BID: variants seen among roughly 807,000 people sequenced by gnomAD.
The protein encoded by BID is BH3 interacting domain death agonist.
In BID, 19 loss-of-function variants were observed where a neutral mutation model predicts 17.4. The observed-to-expected ratio is 1.09, with a 90% CI of 0.76 to 1.60. BID has a LOEUF of 1.60. Ranked by LOEUF, BID falls within the 40% of genes most tolerant of loss-of-function variation. BID has a pLI of 0.00. For synonymous variants in BID, 108 were observed against 102.8 expected (o/e 1.05, Z -0.31); for missense variants, 226 against 256.0 (o/e 0.88, Z 0.80).
chr22:17,762,858 G>GA (rs60609319), intron 1 of BID, among the ~76,000 whole-genome samples: 56,591 of 150,350 alleles, frequency 0.38, 11,679 homozygotes, highest in East Asian at 0.75. Flanking sequence ...CTGCTTTGAG[G>GA]AAAAAAAACA....
rs887047852 is a variant in BID at position 17,769,036 on chromosome 22, G to T, written c.-59+5345C>A. Among the ~76,000 whole-genome samples the T allele has an allele frequency of 1.4e-5, 2 of 142,458 alleles. No homozygotes were observed. The highest frequency in any genetic ancestry group is 3.0e-5 in the Non-Finnish European group (2 of 65,768). The allele number at this position is 142,458 out of a possible 152,430, so 93.5% of individuals were successfully genotyped here. On this transcript the variant is annotated intron_variant, in intron 1 of 5. Transcript: ENST00000622694. The surrounding 1 kb of genome is among the most constrained non-coding windows in gnomAD (Gnocchi z 4.8). ...CAGCCTGGGCGACAGAGTGAGACTC[G>T]TCTCAAAAATAAATAAATAAATAAA...
chr22:17,773,813 G>T lies in BID; in HGVS notation c.-59+568C>A. On this transcript the variant is annotated intron_variant, in intron 1 of 5. Transcript: ENST00000622694. The surrounding 1 kb of genome is among the most constrained non-coding windows in gnomAD (Gnocchi z 4.4). ...ACTCAACAGTTTCCCAGCAGCAGCA[G>T]CGAGGATCCGCACATCATTGCCAGT... is the stretch of plus-strand genomic sequence containing the variant. 1.1e-6 allele frequency: 1 copy of T among 917,488 alleles called. No individual in the cohort carries two copies. Among genetic ancestry groups the T allele is most frequent in the Non-Finnish European group, 1.7e-6 (1 of 599,852 alleles). 56.8% of individuals were successfully genotyped at this position (917,488 alleles called of 1,614,324 possible).
intron 1 of BID, among the ~76,000 whole-genome samples, chr22:17,752,363 A>G (rs1460011497): frequency 6.6e-6 from 1 of 152,198 alleles, no homozygotes; most frequent in East Asian, 1.9e-4. Context: ...CAACTCATCC[A>G]GCTCAAAGTG....
At chr22:17,760,005 G>C (rs1826003334) in intron 1 of BID, among the ~76,000 whole-genome samples, 1 of 151,562 alleles carries the variant, frequency 6.6e-6, no homozygotes, top group African/African-American at 2.4e-5. Flanking sequence ...GTGGTGGTGG[G>C]CACCTGTAGT....
chr22:17,768,309 G>A (rs2061693071), intron 1 of BID, among the ~76,000 whole-genome samples: 1 of 152,234 alleles, frequency 6.6e-6, no homozygotes, highest in Admixed American at 6.5e-5. Context: ...GAGGAGACAT[G>A]AGGAGGCAAG....
At chr22:17,752,465 A>C (rs1191669226) in intron 1 of BID, among the ~76,000 whole-genome samples, 1 of 152,234 alleles carries the variant, frequency 6.6e-6, no homozygotes, top group East Asian at 1.9e-4. Context: ...GCATGGCAGA[A>C]TACCCACTAA....
In BID at chr22:17,773,975, G is replaced by A; in HGVS notation, c.-59+406C>T. The A allele has an allele frequency of 1.9e-6, 1 of 521,316 alleles. No homozygotes were observed. Among genetic ancestry groups the A allele is most frequent in the Non-Finnish European group, 3.4e-6 (1 of 290,618 alleles). 32.3% of individuals were successfully genotyped at this position (521,316 alleles called of 1,614,324 possible). A position where few individuals can be genotyped will look rare whatever the true frequency, so the allele number is the denominator to read the frequency against. On this transcript the variant is annotated intron_variant, in intron 1 of 5. Transcript: ENST00000622694. This position sits in a 1 kb window ranked among gnomAD's most constrained non-coding sequence, Gnocchi z 4.4. ...GTGTGGGCGGGGATTCCGATCCGCC[G>A]GCAAGGGTGGCCTGCACCCGGCCAG...
chr22:17,762,011 G>A (rs2061642681), intron 1 of BID, among the ~76,000 whole-genome samples: 1 of 152,098 alleles, frequency 6.6e-6, no homozygotes, highest in South Asian at 2.1e-4. Flanking sequence ...CTGTGAGGTT[G>A]AAAAGCTTCC....
chr22:17,737,944 TGGGCTTCTCAACCTTCCAGAGAAA>T, intron 5 of BID, 49 bp downstream of exon 5: 1 of 1,541,790 alleles, frequency 6.5e-7, no homozygotes, highest in Non-Finnish European at 8.9e-7. Flanking sequence ...GGGGCCCCGC[TGGGCTTCTCAACCTTCCAGAGAAA>T]AGGGCATGGG....
chr22:17,739,314 T>C (rs762510697), intron 4 of BID, 35 bp downstream of exon 4: 1 of 1,521,118 alleles, frequency 6.6e-7, no homozygotes, highest in Non-Finnish European at 8.8e-7. Flanking sequence ...CTTGGCTCAC[T>C]TGCCCGCCCA....
chr22:17,740,208 A>AT (rs780459627), intron 3 of BID: 22 of 1,593,192 alleles, frequency 1.4e-5, no homozygotes, highest in Non-Finnish European at 1.9e-5. Flanking sequence ...AAGGGCTGTG[A>AT]TTTTTTTAAT....
At chr22:17,765,458 C>T (rs1177479845) in intron 1 of BID, among the ~76,000 whole-genome samples, 1 of 152,194 alleles carries the variant, frequency 6.6e-6, no homozygotes, top group Non-Finnish European at 1.5e-5. Flanking sequence ...AATACCTACT[C>T]AACTCCATTT....
chr22:17,738,142 G>C lies in BID; in HGVS notation c.451C>G (p.Leu151Val), dbSNP rs1601833850. Residue 151 changes from leucine to valine, a missense_variant, in exon 5 of 6, where the codon CTG becomes GTG. Coordinates refer to ENST00000622694, the MANE Select transcript of BID (RefSeq NM_001196.4). ...ACCTTCTTGGCCAGCAGCAGGGCCA[G>C]CACCAGCATGGTCTTCTCCTTCTCC... ...DMEKEKTMLV[L>V]ALLLAKKVAS... The C allele has an allele frequency of 6.2e-7, 1 of 1,613,844 alleles. No homozygotes were observed. The highest frequency in any genetic ancestry group is 8.5e-7 in the Non-Finnish European group (1 of 1,180,038).
At chr22:17,757,359 C>T (rs1223635613) in intron 1 of BID, among the ~76,000 whole-genome samples, 6 of 145,156 alleles carry the variant, frequency 4.1e-5, no homozygotes, top group Admixed American at 1.4e-4. Flanking sequence ...GCTGAGATCA[C>T]GCCACTGCAC....
At chr22:17,742,075 C>T (rs962015500) in intron 3 of BID, among the ~76,000 whole-genome samples, 8 of 152,228 alleles carry the variant, frequency 5.3e-5, no homozygotes, top group Admixed American at 2.6e-4. Flanking sequence ...TTTCCTGATC[C>T]GTCTGTGTCC....
At chr22:17,738,302 G>A (rs1328737384) in intron 4 of BID, 73 bp from the exon 5 acceptor site, 2 of 1,403,358 alleles carry the variant, frequency 1.4e-6, no homozygotes, top group East Asian at 2.3e-5. Flanking sequence ...TCCCCAGTAT[G>A]AAGAAGCACT....
intron 2 of BID, among the ~76,000 whole-genome samples, chr22:17,746,279 C>T (rs2061494786): frequency 6.6e-6 from 1 of 152,142 alleles, no homozygotes; most frequent in Non-Finnish European, 1.5e-5. Flanking sequence ...ATACCGGAAG[C>T]CCAGTCCCCA....
intron 2 of BID, among the ~76,000 whole-genome samples, chr22:17,744,313 G>T (rs977290161): frequency 2.0e-5 from 3 of 152,212 alleles, no homozygotes; most frequent in African/African-American, 7.2e-5. Flanking sequence ...TTCCCACTAG[G>T]TGAGAAGGCC....
At position 17,738,091 on chromosome 22, in the gene BID, G is replaced by A. The variant is rs185077891; in HGVS notation, c.502C>T (p.Arg168Cys). Residue 168 changes from arginine (R) to cysteine (C), a missense_variant, in exon 5 of 6, where the codon CGT (arginine) becomes TGT (cysteine). Transcript: ENST00000622694. ...KVASHTPSLLRDVFHTTVNFI... is the reference protein window; with the variant it reads ...KVASHTPSLLCDVFHTTVNFI... ...TTCACTGTTGTGTGAAAGACATCAC[G>A]GAGCAAGGACGGCGTGTGACTGGCC... is the stretch of plus-strand genomic sequence containing the variant. 175 of 1,614,198 alleles carry A rather than the reference G, an allele frequency of 1.1e-4. 1 individual carries two copies. The East Asian group carries it at 2.4e-3, about 22-fold the overall frequency.
Sources: allele counts gnomAD v4.1 joint callset (sites outside exome capture counted in the v4.1 genomes callset), GRCh38; gene constraint gnomAD v4.1.1; non-coding constraint Gnocchi (gnomAD v3.1); transcripts MANE v1.5; gene names NCBI Gene and HGNC (gene_info 2026-07-23, HGNC 2026-07-21).